PAPPA2: variants seen among roughly 807,000 people sequenced by gnomAD.
PAPPA2 encodes pappalysin 2, also known as pappalysin-2.
In PAPPA2, 86 loss-of-function variants were observed where a neutral mutation model predicts 176.4. That is an observed-to-expected ratio of 0.49 (90% CI 0.41 to 0.58). The LOEUF is 0.58. Ranked by LOEUF, PAPPA2 falls within the 20% of genes least tolerant of loss-of-function variation. The pLI is 0.00. For synonymous variants in PAPPA2, 809 were observed against 852.2 expected (o/e 0.95, Z 0.88); for missense variants, 2,073 against 2,256.9 (o/e 0.92, Z 1.65).
At chr1:176,833,412 A>G (rs1436613738) in intron 21 of PAPPA2, among the ~76,000 whole-genome samples, 1 of 152,196 alleles carries the variant, frequency 6.6e-6, no homozygotes, top group African/African-American at 2.4e-5. Flanking sequence ...GATTACATAA[A>G]AACTCCCTAC....
At chr1:176,582,490 G>A (rs11587239) in intron 2 of PAPPA2, among the ~76,000 whole-genome samples, 53,457 of 151,928 alleles carry the variant, frequency 0.35, 9,940 homozygotes, top group South Asian at 0.58. Context: ...CTTTCTACCT[G>A]ATTTATGAAA....
intron 2 of PAPPA2, among the ~76,000 whole-genome samples, chr1:176,574,232 A>G (rs908413777): frequency 1.3e-5 from 2 of 152,190 alleles, no homozygotes; most frequent in Non-Finnish European, 1.5e-5. Flanking sequence ...GCCAGGAATA[A>G]TAATATGGAA....
chr1:176,468,583 G>T (rs1651734146), intron 1 of PAPPA2, among the ~76,000 whole-genome samples: 1 of 152,162 alleles, frequency 6.6e-6, no homozygotes, highest in African/African-American at 2.4e-5. Flanking sequence ...AAAGAATCAG[G>T]GGGTTCAGAG....
chr1:176,813,046 A>G (rs998995507), intron 21 of PAPPA2, among the ~76,000 whole-genome samples: 6 of 151,654 alleles, frequency 4.0e-5, no homozygotes, highest in African/African-American at 1.5e-4. Flanking sequence ...GCGATATTTG[A>G]TTTTTCATTC....
At chr1:176,515,616 T>C (rs570676634) in intron 1 of PAPPA2, among the ~76,000 whole-genome samples, 35 of 152,306 alleles carry the variant, frequency 2.3e-4, no homozygotes, top group Non-Finnish European at 4.1e-4. Context: ...TTTCTGTTTA[T>C]TTTTATCTTG....
chr1:176,787,064 C>T (rs977911972), intron 17 of PAPPA2, among the ~76,000 whole-genome samples: 1 of 151,958 alleles, frequency 6.6e-6, no homozygotes, highest in Non-Finnish European at 1.5e-5. Flanking sequence ...CACATGTACC[C>T]CTGAACCTGA....
intron 12 of PAPPA2, among the ~76,000 whole-genome samples, chr1:176,730,481 C>A (rs947681277): frequency 7.3e-5 from 11 of 151,558 alleles, no homozygotes; most frequent in Middle Eastern, 3.2e-3. Context: ...TATTTTTGAA[C>A]CTTCTTTTTC....
intron 21 of PAPPA2, among the ~76,000 whole-genome samples, chr1:176,818,956 A>G (rs191216997): frequency 6.6e-6 from 1 of 152,330 alleles, no homozygotes; most frequent in South Asian, 2.1e-4. Flanking sequence ...TAGTAGAATT[A>G]TCACTTTCTA....
At chr1:176,682,899 C>T (rs1040023309) in intron 4 of PAPPA2, among the ~76,000 whole-genome samples, 16 of 152,120 alleles carry the variant, frequency 1.1e-4, no homozygotes, top group Non-Finnish European at 2.1e-4. Context: ...CACATGCAGA[C>T]CAGCCCTCAA....
intron 3 of PAPPA2, among the ~76,000 whole-genome samples, chr1:176,627,885 C>T (rs575889372): frequency 6.6e-6 from 1 of 152,102 alleles, no homozygotes; most frequent in African/African-American, 2.4e-5. Context: ...AGTTCCACTT[C>T]CCTTTGAAAT....
chr1:176,553,782 G>A (rs1260421957), intron 1 of PAPPA2: 2 of 151,956 alleles, frequency 1.3e-5, no homozygotes, highest in East Asian at 1.9e-4. Context: ...ATGCGGGAGG[G>A]GGAAGTTTAC....
chr1:176,708,610 G>A (rs1259620061), intron 10 of PAPPA2, among the ~76,000 whole-genome samples: 1 of 152,032 alleles, frequency 6.6e-6, no homozygotes, highest in Admixed American at 6.6e-5. Flanking sequence ...TTTGGAGAGT[G>A]CTTTGAGTAG....
intron 3 of PAPPA2, among the ~76,000 whole-genome samples, chr1:176,632,478 G>A (rs188223133): frequency 5.5e-4 from 84 of 152,000 alleles, no homozygotes; most frequent in Admixed American, 3.9e-4. Flanking sequence ...GCAGTGAGTC[G>A]AGATCGCGCC....
chr1:176,552,680 C>A (rs1287669938), intron 1 of PAPPA2, among the ~76,000 whole-genome samples: 2 of 152,168 alleles, frequency 1.3e-5, no homozygotes, highest in Admixed American at 6.5e-5. Flanking sequence ...CAACTACCCC[C>A]GTCAAAATAA....
At chr1:176,602,504 C>T (rs1341972259) in intron 3 of PAPPA2, among the ~76,000 whole-genome samples, 2 of 152,150 alleles carry the variant, frequency 1.3e-5, no homozygotes, top group Non-Finnish European at 2.9e-5. Flanking sequence ...CACCCACACT[C>T]GGAGGCTGTT....
At chr1:176,649,811 G>T (rs1464220150) in intron 3 of PAPPA2, among the ~76,000 whole-genome samples, 2 of 151,452 alleles carry the variant, frequency 1.3e-5, no homozygotes, top group Non-Finnish European at 3.0e-5. Context: ...CTTGTTTCAT[G>T]TCCTAACAGA....
chr1:176,498,751 C>CACAAAAAAAAAAA (rs762510082), intron 1 of PAPPA2, among the ~76,000 whole-genome samples: 68 of 112,098 alleles, frequency 6.1e-4, no homozygotes, highest in Middle Eastern at 4.9e-3. Flanking sequence ...CTCTTACCTC[C>CACAAAAAAAAAAA]AAAAAAAAAA....
At chr1:176,728,131 G>C (rs1324808140) in intron 12 of PAPPA2, among the ~76,000 whole-genome samples, 1 of 151,400 alleles carries the variant, frequency 6.6e-6, no homozygotes, top group Non-Finnish European at 1.5e-5. Flanking sequence ...AAATAAAAAG[G>C]AAAATCACAA....
At chr1:176,651,612 A>G (rs1657731409) in intron 3 of PAPPA2, among the ~76,000 whole-genome samples, 1 of 151,536 alleles carries the variant, frequency 6.6e-6, no homozygotes, top group Admixed American at 6.6e-5. Context: ...GTTCAATTCT[A>G]TTTGGTGTTC....
Sources: allele counts gnomAD v4.1 joint callset (sites outside exome capture counted in the v4.1 genomes callset), GRCh38; gene constraint gnomAD v4.1.1; transcripts MANE v1.5; gene names NCBI Gene and HGNC (gene_info 2026-07-23, HGNC 2026-07-21).